The following ST6GALNAC3 variants were observed in gnomAD, a reference collection of about 807,000 sequenced individuals.
ST6GALNAC3 encodes the protein alpha-N-acetylgalactosaminide alpha-2,6-sialyltransferase 3.
ST6GALNAC3 carries 25 observed loss-of-function variants against 32.7 expected under a neutral mutation model. The observed-to-expected ratio is 0.76, with a 90% CI of 0.56 to 1.07. The LOEUF (loss-of-function observed/expected upper bound fraction) is 1.07, where lower values mean the gene tolerates loss of function less well. Ranked by LOEUF, ST6GALNAC3 falls within the 50% of genes least tolerant of loss-of-function variation. The pLI is 0.00. For missense variants in ST6GALNAC3, 355 were observed against 382.4 expected (o/e 0.93, Z 0.60); for synonymous variants, 129 against 133.1 (o/e 0.97, Z 0.21).
At chr1:76,573,420 G>A (rs1646743591) in intron 3 of ST6GALNAC3, among the ~76,000 whole-genome samples, 1 of 152,028 alleles carries the variant, frequency 6.6e-6, no homozygotes, top group Admixed American at 6.6e-5. Flanking sequence ...TTATTTCTGA[G>A]GGAGCAGGGT....
intron 1 of ST6GALNAC3, among the ~76,000 whole-genome samples, chr1:76,202,385 A>C (rs1258595666): frequency 6.6e-6 from 1 of 151,766 alleles, no homozygotes. Context: ...TTGTTGTGTA[A>C]GGCCTCCACC....
intron 1 of ST6GALNAC3, among the ~76,000 whole-genome samples, chr1:76,139,528 A>G (rs1485872198): frequency 6.6e-6 from 1 of 152,226 alleles, no homozygotes; most frequent in African/African-American, 2.4e-5. Flanking sequence ...CCCTATAGGA[A>G]GCCAAGCTGA....
chr1:76,612,677 T>TA (rs1426683560), intron 3 of ST6GALNAC3, among the ~76,000 whole-genome samples: 5 of 152,088 alleles, frequency 3.3e-5, no homozygotes, highest in Admixed American at 6.6e-5. Flanking sequence ...GTTGCACTTT[T>TA]AAAAAAAGCC....
chr1:76,297,077 T>G (rs1660446363), intron 1 of ST6GALNAC3, among the ~76,000 whole-genome samples: 1 of 152,010 alleles, frequency 6.6e-6, no homozygotes, highest in Non-Finnish European at 1.5e-5. Flanking sequence ...GGGAGGACTT[T>G]TATGGACTTT....
At chr1:76,309,474 G>T (rs1646713896) in intron 1 of ST6GALNAC3, among the ~76,000 whole-genome samples, 1 of 152,086 alleles carries the variant, frequency 6.6e-6, no homozygotes. Flanking sequence ...GCGATGTGTA[G>T]CCTTCTGTCT....
At chr1:76,569,515 T>C (rs916637155) in intron 3 of ST6GALNAC3, among the ~76,000 whole-genome samples, 2 of 152,128 alleles carry the variant, frequency 1.3e-5, no homozygotes, top group South Asian at 2.1e-4. Context: ...ACGTTCAAAA[T>C]AAAATCATGT....
At chr1:76,297,870 C>T (rs1257083632) in intron 1 of ST6GALNAC3, among the ~76,000 whole-genome samples, 9 of 151,840 alleles carry the variant, frequency 5.9e-5, no homozygotes, top group African/African-American at 1.9e-4. Flanking sequence ...GTCTATTCCT[C>T]AAGAATCAAG....
At position 76,138,610 on chromosome 1, in the gene ST6GALNAC3, A is replaced by G. The variant is rs78920631; in HGVS notation, c.18+63726A>G. 7.1e-3 allele frequency among the ~76,000 whole-genome samples: 1,082 copies of G among 152,312 alleles called. 14 individuals carry two copies. The highest frequency in any genetic ancestry group is 0.025 in the African/African-American group (1,035 of 41,568). On this transcript the variant is annotated intron_variant, in intron 1 of 4. Transcript: ENST00000328299. Reference sequence around the variant, plus strand: ...TGCAAATCCCAACAGCCTTCCAAATAGAATGTCACTGCCCTGATTAACAAG... The same window carrying G: ...TGCAAATCCCAACAGCCTTCCAAATGGAATGTCACTGCCCTGATTAACAAG...
At chr1:76,139,351 A>T (rs1467208230) in intron 1 of ST6GALNAC3, among the ~76,000 whole-genome samples, 1 of 152,178 alleles carries the variant, frequency 6.6e-6, no homozygotes, top group African/African-American at 2.4e-5. Context: ...TGCTCTTACA[A>T]ATATACATAT....
At chr1:76,375,493 G>C (rs182927723) in intron 2 of ST6GALNAC3, among the ~76,000 whole-genome samples, 1 of 152,308 alleles carries the variant, frequency 6.6e-6, no homozygotes, top group East Asian at 1.9e-4. Context: ...GAGAAGCCAA[G>C]TCATGCAAAG....
chr1:76,234,654 T>C (rs1368304966), intron 1 of ST6GALNAC3, among the ~76,000 whole-genome samples: 3 of 152,194 alleles, frequency 2.0e-5, no homozygotes, highest in African/African-American at 7.2e-5. Context: ...GAAAATTCAA[T>C]CTTCAAAACA....
intron 3 of ST6GALNAC3, among the ~76,000 whole-genome samples, chr1:76,453,912 T>C (rs1431927578): frequency 6.6e-6 from 1 of 152,144 alleles, no homozygotes; most frequent in Admixed American, 6.5e-5. Context: ...TTGCTGTCTA[T>C]CTCATTTCTT....
intron 3 of ST6GALNAC3, among the ~76,000 whole-genome samples, chr1:76,465,188 C>T (rs2101609036): frequency 6.6e-6 from 1 of 152,280 alleles, no homozygotes; most frequent in South Asian, 2.1e-4. Context: ...TTCTGCATGT[C>T]AGATATTGAG....
intron 1 of ST6GALNAC3, among the ~76,000 whole-genome samples, chr1:76,135,532 A>T (rs1649889965): frequency 6.6e-6 from 1 of 152,222 alleles, no homozygotes; most frequent in Non-Finnish European, 1.5e-5. Context: ...TCACCTACTC[A>T]GATCAAATAG....
chr1:76,261,858 G>A (rs762045897), intron 1 of ST6GALNAC3, among the ~76,000 whole-genome samples: 20 of 152,122 alleles, frequency 1.3e-4, no homozygotes, highest in Admixed American at 2.6e-4. Flanking sequence ...TGTTCTGAGC[G>A]GTATTTTTCG....
At chr1:76,492,023 C>T (rs778056109) in intron 3 of ST6GALNAC3, among the ~76,000 whole-genome samples, 2 of 152,170 alleles carry the variant, frequency 1.3e-5, no homozygotes, top group Non-Finnish European at 2.9e-5. Context: ...ATTAGATATA[C>T]ACAACTGTCC....
chr1:76,373,327 A>G lies in ST6GALNAC3; in HGVS notation c.214-38681A>G, dbSNP rs1402153836. ...TTCTCATCTGTAAGATGGAGATTAC[A>G]AAAACTTTCAAGGTCCTTGTGGGAA... On this transcript the variant is annotated intron_variant, in intron 2 of 4. Coordinates refer to ENST00000328299, the MANE Select transcript of ST6GALNAC3 (RefSeq NM_152996.4). Among the ~76,000 whole-genome samples the G allele has an allele frequency of 5.9e-5, 9 of 152,252 alleles. No individual in the cohort carries two copies. In the South Asian group the frequency reaches 1.4e-3, roughly 25 times the overall value.
At chr1:76,128,817 TTA>T (rs1341384465) in intron 1 of ST6GALNAC3, among the ~76,000 whole-genome samples, 1 of 152,126 alleles carries the variant, frequency 6.6e-6, no homozygotes, top group Non-Finnish European at 1.5e-5. Flanking sequence ...GTGCTGGGAT[TTA>T]GTCAGTTAAA....
At chr1:76,543,863 TACAGAGTGGTCA>T (rs1297965431) in intron 3 of ST6GALNAC3, among the ~76,000 whole-genome samples, 1 of 152,200 alleles carries the variant, frequency 6.6e-6, no homozygotes, top group Non-Finnish European at 1.5e-5. Flanking sequence ...ATTCAAGTCC[TACAGAGTGGTCA>T]ACTTCTTATT....
Sources: gnomAD v4.1 joint callset for allele counts (sites outside exome capture counted in the v4.1 genomes callset) on GRCh38, gnomAD v4.1.1 for gene constraint, MANE v1.5 for transcripts, NCBI Gene and HGNC (gene_info 2026-07-23, HGNC 2026-07-21) for gene names.